Variants in ZBTB1 observed in about 807,000 individuals in gnomAD.
ZBTB1 encodes the protein zinc finger and BTB domain-containing protein 1.
Under a neutral mutation model 51.6 loss-of-function variants are expected in ZBTB1, and 13 were observed. That is an observed-to-expected ratio of 0.25 (90% CI 0.16 to 0.40). The LOEUF is 0.40. ZBTB1 is among the 10% of genes least tolerant of loss of function. The probability of loss-of-function intolerance (pLI) is 1.00; values close to 1 mark genes in which losing one functional copy is unlikely to be tolerated. For missense variants in ZBTB1, 567 were observed against 856.5 expected, an observed-to-expected ratio of 0.66 and a Z score of 4.22; for synonymous variants, 240 against 282.2, an observed-to-expected ratio of 0.85 and a Z score of 1.50.
In ZBTB1 at chr14:64,522,349, A is replaced by G. The variant is rs986585187; in HGVS notation, c.845A>G (p.Asp282Gly). 6.2e-7 allele frequency: 1 copy of G among 1,614,182 alleles called. No homozygotes were observed. Residue 282 changes from aspartate to glycine, a missense_variant, in exon 2 of 2, where the codon GAC becomes GGC. By Grantham distance (94) the Asp-to-Gly change is moderately conservative (BLOSUM62 -1). Around this residue, in one of 5 missense-constraint regions of ZBTB1, gnomAD observed 329 missense variants for 406.3 expected, o/e 0.81. Transcript: ENST00000683701. ...DSSKTFSAQTDKYRGDTSQAA... is the reference protein window; with the variant it reads ...DSSKTFSAQTGKYRGDTSQAA... The stretch of plus-strand genomic sequence containing the variant: ...TCCAAAACATTTTCTGCACAGACGG[A>G]CAAATACAGAGGAGACACAAGCCAG...
In ZBTB1 at chr14:64,522,197, A is replaced by G. The variant is rs756856345; in HGVS notation, c.693A>G (p.Leu231=). The G allele has an allele frequency of 9.3e-6, 15 of 1,614,264 alleles. No individual in the cohort carries two copies. The highest frequency in any genetic ancestry group is 1.3e-5 in the Non-Finnish European group (15 of 1,180,038). ...CGFGFSCEKL[L]DEHVLTCTNR... ...TTGGCTTTAGCTGTGAAAAATTATT[A>G]GATGAGCATGTGCTAACCTGTACTA... The change falls in exon 2 of 2, where the codon TTA becomes TTG. Residue 231 remains leucine (L), a synonymous_variant. Coordinates refer to ENST00000683701, the MANE Select transcript of ZBTB1 (RefSeq NM_001123329.2).
At chr14:64,503,773 C>G, upstream of ZBTB1, 1 of 236,530 alleles carries the variant, frequency 4.2e-6, no homozygotes, top group Non-Finnish European at 6.9e-6. Context: ...GCCTCTCGCG[C>G]GGCTTCCCGC....
chr14:64,519,773 G>A (rs2079840615), intron 1 of ZBTB1, among the ~76,000 whole-genome samples: 1 of 147,632 alleles, frequency 6.8e-6, no homozygotes, highest in Non-Finnish European at 1.5e-5. Context: ...GCGAGACCCT[G>A]CCTCAAAAAA....
intron 2 of ZBTB1, among the ~76,000 whole-genome samples, chr14:64,530,236 C>G (rs969611352): frequency 1.1e-4 from 16 of 152,140 alleles, no homozygotes; most frequent in Non-Finnish European, 5.9e-5. Flanking sequence ...TGTGAAGATT[C>G]TGTGGACAAT....
In ZBTB1 at chr14:64,522,984, C is replaced by A; in HGVS notation, c.1480C>A (p.Pro494Thr). The change falls in exon 2 of 2, where the codon CCT (proline) becomes ACT (threonine). Residue 494 changes from proline (P) to threonine (T), a missense_variant. Physicochemically the swap from Pro to Thr is conservative, Grantham distance 38. This residue lies in a region of ZBTB1 where 329 missense variants were observed against 406.3 expected (regional missense o/e 0.81). Transcript: ENST00000683701. Reference sequence around the variant, plus strand: ...GGAGAAAATGGACTTGGAAGAGAATCCTGATGAGCAGTCCGAAATAAGAGA... The same window carrying A: ...GGAGAAAATGGACTTGGAAGAGAATACTGATGAGCAGTCCGAAATAAGAGA... ...TEEKMDLEEN[P>T]DEQSEIRDMF... The A allele has an allele frequency of 6.2e-7, 1 of 1,614,118 alleles. No individual in the cohort carries two copies. Among genetic ancestry groups the A allele is most frequent in the Non-Finnish European group, 8.5e-7 (1 of 1,180,018 alleles).
chr14:64,521,431 T>TAAAAGCAC, intron 1 of ZBTB1, 56 bp from the exon 2 acceptor site: 6 of 1,412,948 alleles, frequency 4.2e-6, no homozygotes, highest in Non-Finnish European at 5.7e-6. Flanking sequence ...TAAAAGTTAA[T>TAAAAGCAC]TTTGTCAAGT....
chr14:64,524,087 G>A lies in ZBTB1; in HGVS notation c.*441G>A, dbSNP rs1322430095. ...TTAAGTAATTATTTGAAACTATCCCGTTTGCTTTTAGTGAGTTAACTACTC... is the reference window on the plus strand; with the variant it reads ...TTAAGTAATTATTTGAAACTATCCCATTTGCTTTTAGTGAGTTAACTACTC... On this transcript the variant is annotated 3_prime_UTR_variant, in exon 2 of 2. Transcript: ENST00000683701. 31 of 983,226 alleles carry A rather than the reference G, an allele frequency of 3.2e-5. No homozygotes were observed. Among genetic ancestry groups the A allele is most frequent in the Admixed American group, 6.2e-5 (1 of 16,130 alleles). 60.9% of individuals were successfully genotyped at this position (983,226 alleles called of 1,614,324 possible).
chr14:64,505,847 T>TG (rs2079646622), intron 1 of ZBTB1, among the ~76,000 whole-genome samples: 1 of 152,242 alleles, frequency 6.6e-6, no homozygotes, highest in Non-Finnish European at 1.5e-5. Context: ...TTGGTGTTAG[T>TG]GTATTTCCAT....
intron 1 of ZBTB1, among the ~76,000 whole-genome samples, chr14:64,512,742 G>A (rs760172191): frequency 9.9e-5 from 15 of 152,114 alleles, no homozygotes; most frequent in Admixed American, 2.6e-4. Context: ...ACTTAAGTGC[G>A]TTGAAATAAA....
At position 64,509,539 on chromosome 14, in the gene ZBTB1, C is replaced by A. The variant is rs150894777; in HGVS notation, c.-19+4593C>A. ...ATGGAGTTAAGTTTCTTAGAATGAACATGCATTTTATGATTTTTTAAAATT... is the reference window on the plus strand; with the variant it reads ...ATGGAGTTAAGTTTCTTAGAATGAAAATGCATTTTATGATTTTTTAAAATT... On this transcript the variant is annotated intron_variant, in intron 1 of 1. Coordinates refer to ENST00000683701, the MANE Select transcript of ZBTB1 (RefSeq NM_001123329.2). Among the ~76,000 whole-genome samples the A allele has an allele frequency of 9.2e-3, 1,397 of 152,106 alleles. 16 individuals are homozygous for A. Among genetic ancestry groups the A allele is most frequent in the African/African-American group, 0.031 (1,290 of 41,480 alleles).
At chr14:64,527,130 G>C (rs2079909130), downstream of ZBTB1, among the ~76,000 whole-genome samples, 1 of 151,442 alleles carries the variant, frequency 6.6e-6, no homozygotes, top group African/African-American at 2.4e-5. Flanking sequence ...TCAATTAGAA[G>C]AAAGGATCCC....
At chr14:64,529,227 T>C (rs1241814351), downstream of ZBTB1, among the ~76,000 whole-genome samples, 1 of 152,220 alleles carries the variant, frequency 6.6e-6, no homozygotes, top group Non-Finnish European at 1.5e-5. Flanking sequence ...CCATAGTAGG[T>C]GGGCTCAATT....
Position 64,517,619 on chromosome 14 carries a change from T to A in ZBTB1, c.-18-3868T>A, listed in dbSNP as rs530813920. ...AACATTTTTGTGTATTTTTTTCATC[T>A]TTTTTCCCCCCACCTTTTGAATAAG... On this transcript the variant is annotated intron_variant, in intron 1 of 1. Coordinates refer to ENST00000683701, the MANE Select transcript of ZBTB1 (RefSeq NM_001123329.2). Among the ~76,000 whole-genome samples the A allele has an allele frequency of 2.1e-3, 324 of 151,638 alleles. 2 individuals carry two copies. The South Asian group carries it at 0.025, about 11-fold the overall frequency.
At chr14:64,505,380 T>C (rs1266153076) in intron 1 of ZBTB1, among the ~76,000 whole-genome samples, 3 of 152,110 alleles carry the variant, frequency 2.0e-5, no homozygotes, top group Admixed American at 6.5e-5. Context: ...GCTGCAGACT[T>C]GGGCGCGCTC....
rs1351841782 is a variant in ZBTB1 at position 64,522,930 on chromosome 14, C to A, written c.1426C>A (p.Leu476Met). The change falls in exon 2 of 2, where the codon CTG becomes ATG. Residue 476 changes from leucine (L) to methionine (M), a missense_variant. By Grantham distance (15) the Leu-to-Met change is conservative. This residue lies in a region of ZBTB1 where 329 missense variants were observed against 406.3 expected (regional missense o/e 0.81). Transcript: ENST00000683701. ...TCAACGATGTGGCGAGCCCCAAGAT[C>A]TGACCATGAATGGGTTAGGAAATAC... ...HAQRCGEPQD[L>M]TMNGLGNTEE... The A allele has an allele frequency of 6.2e-7, 1 of 1,614,056 alleles. No homozygotes were observed.
rs1476494230 is a variant in ZBTB1 at position 64,524,046 on chromosome 14, A to G, written c.*400A>G. 2 of 1,001,784 alleles carry G rather than the reference A, an allele frequency of 2.0e-6. No individual in the cohort carries two copies. The highest frequency in any genetic ancestry group is 1.2e-6 in the Non-Finnish European group (1 of 831,376). The allele number at this position is 1,001,784 out of a possible 1,614,324, so 62.1% of individuals were successfully genotyped here. The stretch of plus-strand genomic sequence containing the variant: ...CCAGAATCATTGGCCATTTCTGTTT[A>G]AATTTTAAAAATTCCTTAAGTAATT... On this transcript the variant is annotated 3_prime_UTR_variant, in exon 2 of 2. Transcript: ENST00000683701.
downstream of ZBTB1, among the ~76,000 whole-genome samples, chr14:64,525,551 AATTT>A (rs1240805772): frequency 4.6e-5 from 7 of 152,192 alleles, no homozygotes; most frequent in Admixed American, 3.9e-4. Flanking sequence ...TAATGGACAT[AATTT>A]ATTTGAGATC....
At chr14:64,509,980 TA>T (rs368681831) in intron 1 of ZBTB1, among the ~76,000 whole-genome samples, 5,337 of 133,298 alleles carry the variant, frequency 0.04, 264 homozygotes, top group African/African-American at 0.13. Flanking sequence ...CCGTCTCAAT[TA>T]AAAAAAAAAA....
At chr14:64,505,066 G>T in intron 1 of ZBTB1, 120 bp downstream of exon 1, 1 of 368,140 alleles carries the variant, frequency 2.7e-6, no homozygotes, top group South Asian at 1.4e-4. Flanking sequence ...GGGAGCCGGA[G>T]CGCGGCGGAC....
Sources: gnomAD v4.1 joint callset for allele counts (sites outside exome capture counted in the v4.1 genomes callset) on GRCh38, gnomAD v4.1.1 for gene constraint, gnomAD v4.1.1 regional missense constraint, MANE v1.5 for transcripts, NCBI Gene and HGNC (gene_info 2026-07-23, HGNC 2026-07-21) for gene names.